The following TMEM131 variants were observed in gnomAD, a reference collection of about 807,000 sequenced individuals.
TMEM131 encodes 2610524E03Rik.
A neutral mutation model predicts 211.6 loss-of-function variants in TMEM131; 66 were observed. The observed-to-expected ratio is 0.31, with a 90% CI of 0.26 to 0.38. The LOEUF (loss-of-function observed/expected upper bound fraction) is 0.38, where lower values mean the gene tolerates loss of function less well. TMEM131 is among the 10% of genes least tolerant of loss of function. TMEM131 has a pLI of 1.00. For synonymous variants in TMEM131, 844 were observed against 841.3 expected, an observed-to-expected ratio of 1.00 and a Z score of -0.06; for missense variants, 2,036 against 2,299.3, an observed-to-expected ratio of 0.89 and a Z score of 2.34.
chr2:97,995,432 G>T, intron 1 of TMEM131, 44 bp downstream of exon 1: 1 of 1,318,440 alleles, frequency 7.6e-7, no homozygotes, highest in Non-Finnish European at 9.6e-7. Flanking sequence ...CCGCGAGAGC[G>T]GGGTGACAGC....
intron 1 of TMEM131, among the ~76,000 whole-genome samples, chr2:97,985,774 A>G (rs1217703234): frequency 6.6e-6 from 1 of 152,164 alleles, no homozygotes; most frequent in Non-Finnish European, 1.5e-5. Flanking sequence ...ATATAATTCA[A>G]TAAGTGGTGT....
rs909835436 is a variant in TMEM131 at position 97,995,543 on chromosome 2, G to A, written c.120C>T (p.Ala40=). The change falls in exon 1 of 41, where the codon GCC becomes GCT. Residue 40 remains alanine (A), a synonymous_variant. Coordinates refer to ENST00000186436, the MANE Select transcript of TMEM131 (RefSeq NM_015348.2). Reference sequence around the variant, plus strand: ...CCAGGTGCAGCGCGCCTAGGAGGCCGGCGGCCGCGCTCCGCGGGCCCCCGC... The same window carrying A: ...CCAGGTGCAGCGCGCCTAGGAGGCCAGCGGCCGCGCTCCGCGGGCCCCCGC... ...ARSGGPRSAA[A]GLLGALHLVM... The A allele has an allele frequency of 2.2e-5, 29 of 1,341,504 alleles. No individual in the cohort carries two copies. The highest frequency in any genetic ancestry group is 9.4e-5 in the East Asian group (3 of 31,814). 83.1% of individuals were successfully genotyped at this position (1,341,504 alleles called of 1,614,324 possible). A position where few individuals can be genotyped will look rare whatever the true frequency, so the allele number is the denominator to read the frequency against.
intron 4 of TMEM131, among the ~76,000 whole-genome samples, chr2:97,879,300 G>A (rs946044995): frequency 6.6e-6 from 1 of 152,160 alleles, no homozygotes. Flanking sequence ...GACTCCTGGT[G>A]GTGTTAGAGC....
At chr2:97,883,999 A>C (rs888729851) in intron 4 of TMEM131, among the ~76,000 whole-genome samples, 1 of 151,980 alleles carries the variant, frequency 6.6e-6, no homozygotes, top group Non-Finnish European at 1.5e-5. Flanking sequence ...TAGTTCTTTA[A>C]GATGCATCAT....
chr2:97,884,995 T>C (rs1675082514), intron 4 of TMEM131, among the ~76,000 whole-genome samples: 1 of 152,228 alleles, frequency 6.6e-6, no homozygotes, highest in South Asian at 2.1e-4. Context: ...TCTTATGGTT[T>C]TTCTGTGCTT....
intron 1 of TMEM131, among the ~76,000 whole-genome samples, chr2:97,928,805 A>G (rs1328027368): frequency 6.6e-6 from 1 of 151,828 alleles, no homozygotes; most frequent in African/African-American, 2.4e-5. Context: ...CTGTTGGAAG[A>G]GCAATTTATA....
At chr2:97,869,338 G>A (rs1674398530) in intron 4 of TMEM131, among the ~76,000 whole-genome samples, 1 of 152,212 alleles carries the variant, frequency 6.6e-6, no homozygotes, top group Admixed American at 6.5e-5. Flanking sequence ...AGAGACAAGT[G>A]TGGAAGTGCT....
At chr2:97,853,779 T>G in intron 5 of TMEM131, among the ~76,000 whole-genome samples, 1 of 151,996 alleles carries the variant, frequency 6.6e-6, no homozygotes, top group East Asian at 1.9e-4. Flanking sequence ...GAGAAAAGAA[T>G]TAGAAGTGGC....
chr2:97,791,666 C>T (rs1680502461), intron 31 of TMEM131, among the ~76,000 whole-genome samples: 1 of 152,198 alleles, frequency 6.6e-6, no homozygotes, highest in South Asian at 2.1e-4. Flanking sequence ...GCCATGGGAC[C>T]CCGCTAAGCT....
At chr2:97,801,000 C>A (rs143349938) in intron 25 of TMEM131, among the ~76,000 whole-genome samples, 1 of 152,154 alleles carries the variant, frequency 6.6e-6, no homozygotes, top group Non-Finnish European at 1.5e-5. Flanking sequence ...TATGTAAGCT[C>A]GCCTTAAAGA....
chr2:97,931,478 T>C (rs1306334281), intron 1 of TMEM131, among the ~76,000 whole-genome samples: 1 of 152,236 alleles, frequency 6.6e-6, no homozygotes, highest in Non-Finnish European at 1.5e-5. Flanking sequence ...TGTTTTTCTT[T>C]TAGGTGAAGG....
At chr2:97,881,943 A>G (rs1312790334) in intron 4 of TMEM131, among the ~76,000 whole-genome samples, 2 of 152,198 alleles carry the variant, frequency 1.3e-5, no homozygotes, top group African/African-American at 4.8e-5. Flanking sequence ...AATAACTTTA[A>G]AAGAGGATCT....
Position 97,853,607 on chromosome 2 carries a change from GAA to G in TMEM131, c.483+5695_483+5696del, listed in dbSNP as rs565061872. 3.9e-3 allele frequency among the ~76,000 whole-genome samples: 482 copies of G among 124,992 alleles called. 6 individuals are homozygous for G. The East Asian group carries it at 0.048, about 13-fold the overall frequency. The allele number at this position is 124,992 out of a possible 152,430, so 82.0% of individuals were successfully genotyped here. A position where few individuals can be genotyped will look rare whatever the true frequency, so the allele number is the denominator to read the frequency against. On this transcript the variant is annotated intron_variant, in intron 5 of 40. Coordinates refer to ENST00000186436, the MANE Select transcript of TMEM131 (RefSeq NM_015348.2). ...GGCGACAGAGTGAGACCCCGTCTTGGAAAAAAAAAAAAAAAAAAGAACATTTG... is the reference window on the plus strand; with the variant it reads ...GGCGACAGAGTGAGACCCCGTCTTGGAAAAAAAAAAAAAAAAGAACATTTG...
At chr2:97,873,218 G>C (rs2105230871) in intron 4 of TMEM131, among the ~76,000 whole-genome samples, 1 of 152,320 alleles carries the variant, frequency 6.6e-6, no homozygotes. Context: ...CTCTGGGCAG[G>C]GCATCTCTGA....
rs746985797 is a variant in TMEM131, at chr2:97,801,877, T to G, written c.2718+18A>C. On this transcript the variant is annotated intron_variant, in intron 25 of 40. Coordinates refer to ENST00000186436, the MANE Select transcript of TMEM131 (RefSeq NM_015348.2). ...ATAAAATAATTTCTTTGGAATAGTATGAAGTTTGAATACTTACACTGTTTC... is the reference window on the plus strand; with the variant it reads ...ATAAAATAATTTCTTTGGAATAGTAGGAAGTTTGAATACTTACACTGTTTC... 1.9e-6 allele frequency: 3 copies of G among 1,540,820 alleles called. No individual in the cohort carries two copies. The African/African-American group carries it at 4.1e-5, about 21-fold the overall frequency.
Position 97,844,784 on chromosome 2 carries a change from A to T in TMEM131, c.484-523T>A, listed in dbSNP as rs184273656. Among the ~76,000 whole-genome samples, 139 of 152,328 alleles carry T rather than the reference A, an allele frequency of 9.1e-4. 1 individual carries two copies. The highest frequency in any genetic ancestry group is 2.1e-3 in the Admixed American group (32 of 15,304). On this transcript the variant is annotated intron_variant, in intron 5 of 40. Transcript: ENST00000186436. The stretch of plus-strand genomic sequence containing the variant: ...TCCTGTTACTTTCTGCAGATTAAGA[A>T]TGTCACTATAGTTAGTAAAATAAAA...
chr2:97,981,534 A>C (rs1034843190), intron 1 of TMEM131, among the ~76,000 whole-genome samples: 1 of 152,180 alleles, frequency 6.6e-6, no homozygotes, highest in Non-Finnish European at 1.5e-5. Context: ...TAAGTGAGAA[A>C]TGGTATCTCA....
At chr2:97,943,023 A>G (rs1170078384) in intron 1 of TMEM131, among the ~76,000 whole-genome samples, 1 of 45,816 alleles carries the variant, frequency 2.2e-5, no homozygotes, top group Non-Finnish European at 4.5e-5. Context: ...AAAGAAAAGA[A>G]AAGAAAAGAA....
At chr2:97,948,657 T>C (rs1678158272) in intron 1 of TMEM131, among the ~76,000 whole-genome samples, 2 of 151,958 alleles carry the variant, frequency 1.3e-5, no homozygotes, top group African/African-American at 2.4e-5. Context: ...AGTTTCTTTT[T>C]TTTTTATTTA....
Sources: allele counts gnomAD v4.1 joint callset (sites outside exome capture counted in the v4.1 genomes callset), GRCh38; gene constraint gnomAD v4.1.1; transcripts MANE v1.5; gene names NCBI Gene and HGNC (gene_info 2026-07-23, HGNC 2026-07-21).